SEL1L3: variants seen among roughly 807,000 people sequenced by gnomAD.
SEL1L3 encodes protein sel-1 homolog 3.
A neutral mutation model predicts 142.8 loss-of-function variants in SEL1L3; 76 were observed. The observed-to-expected ratio is 0.53, with a 90% CI of 0.44 to 0.64. The LOEUF is 0.64. SEL1L3 is among the 30% of genes least tolerant of loss of function. SEL1L3 has a pLI of 0.00. For missense variants in SEL1L3, 1,262 were observed against 1,381.7 expected (o/e 0.91, Z 1.37); for synonymous variants, 504 against 519.6 (o/e 0.97, Z 0.41).
chr4:25,825,139 T>C (rs1715008573), intron 6 of SEL1L3, among the ~76,000 whole-genome samples: 1 of 152,218 alleles, frequency 6.6e-6, no homozygotes, highest in Admixed American at 6.5e-5. Context: ...GATCCTTGCA[T>C]TAACTGAGTT....
downstream of SEL1L3, among the ~76,000 whole-genome samples, chr4:25,746,515 T>TATATATATATATATATATATATATTTAA (rs535369928): frequency 5.7e-4 from 40 of 70,788 alleles, 1 homozygote; most frequent in African/African-American, 1.6e-3. Context: ...TAAATATATA[T>TATATATATATATATATATATATATTTAA]ATATATATAT....
rs372755436 is a variant in SEL1L3 at position 25,784,266 on chromosome 4, G to A, written c.2242C>T (p.Arg748Trp). The stretch of plus-strand genomic sequence containing the variant: ...TTCTTCATCAGCTCTAAGGCAAGCC[G>A]TCTGTTCTTTTTTACTCCTTGACCC... ...FKGQGVKKNRRLALELMKKAA... is the reference protein window; with the variant it reads ...FKGQGVKKNRWLALELMKKAA... Residue 748 changes from arginine to tryptophan, a missense_variant, in exon 14 of 24, where the codon CGG (arginine) becomes TGG (tryptophan). Physicochemically the swap from Arg to Trp is moderately radical, Grantham distance 101. Around this residue, in one of 3 missense-constraint regions of SEL1L3, gnomAD observed 435 missense variants for 559.2 expected, o/e 0.78. Transcript: ENST00000399878. The A allele has an allele frequency of 8.7e-6, 14 of 1,613,484 alleles. No homozygotes were observed. The Middle Eastern group carries it at 4.9e-4, about 57-fold the overall frequency.
intron 9 of SEL1L3, among the ~76,000 whole-genome samples, chr4:25,805,885 A>C (rs559631092): frequency 6.6e-6 from 1 of 152,344 alleles, no homozygotes; most frequent in South Asian, 2.1e-4. Flanking sequence ...TTAAATGTAA[A>C]TGTACATGTA....
chr4:25,825,148 T>G (rs1185714402), intron 6 of SEL1L3, among the ~76,000 whole-genome samples: 1 of 152,042 alleles, frequency 6.6e-6, no homozygotes, highest in Non-Finnish European at 1.5e-5. Context: ...ATTAACTGAG[T>G]TTTTCAACAA....
the SEL1L3 span, among the ~76,000 whole-genome samples, chr4:25,724,388 T>C: frequency 6.6e-6 from 1 of 150,820 alleles, no homozygotes; most frequent in Non-Finnish European, 1.5e-5. Context: ...CACACTACAC[T>C]CCAGTCTGTG....
the SEL1L3 span, among the ~76,000 whole-genome samples, chr4:25,714,132 GT>G: frequency 1.3e-5 from 2 of 152,076 alleles, no homozygotes; most frequent in South Asian, 4.1e-4. Context: ...AATTAGGTGA[GT>G]TTACAGATGA....
chr4:25,740,723 G>A, the SEL1L3 span, among the ~76,000 whole-genome samples: 2 of 152,194 alleles, frequency 1.3e-5, no homozygotes. Context: ...TCTGCCACCT[G>A]TGCAGTGAGA....
At chr4:25,852,996 C>T (rs1025197139) in intron 1 of SEL1L3, among the ~76,000 whole-genome samples, 1 of 152,226 alleles carries the variant, frequency 6.6e-6, no homozygotes, top group African/African-American at 2.4e-5. Flanking sequence ...ATGCAACAGT[C>T]CACTTTTCTT....
At chr4:25,821,177 T>A (rs1200424047) in intron 7 of SEL1L3, among the ~76,000 whole-genome samples, 1 of 152,216 alleles carries the variant, frequency 6.6e-6, no homozygotes, top group Non-Finnish European at 1.5e-5. Flanking sequence ...TTTTTTTCCC[T>A]TTTCACAAAA....
rs544717348 is a variant in SEL1L3, at chr4:25,770,052, C to T, written c.2670-2222G>A. On this transcript the variant is annotated intron_variant, in intron 17 of 23. Coordinates refer to ENST00000399878, the MANE Select transcript of SEL1L3 (RefSeq NM_015187.5). Reference sequence around the variant, plus strand: ...CTGAAGCAGGAGAATCGCTCGAACACGAAAGGTGGAGGTTGCAGTGAGCCG... The same window carrying T: ...CTGAAGCAGGAGAATCGCTCGAACATGAAAGGTGGAGGTTGCAGTGAGCCG... 5.3e-5 allele frequency among the ~76,000 whole-genome samples: 8 copies of T among 152,148 alleles called. No homozygotes were observed. In the East Asian group the frequency reaches 5.8e-4, roughly 11 times the overall value.
At chr4:25,799,207 T>G (rs1248760420) in intron 11 of SEL1L3, among the ~76,000 whole-genome samples, 2 of 152,096 alleles carry the variant, frequency 1.3e-5, no homozygotes, top group African/African-American at 4.8e-5. Context: ...CCCAAGTAGC[T>G]GGGATGACAG....
intron 16 of SEL1L3, chr4:25,776,852 T>C (rs1263840846): frequency 1.3e-5 from 2 of 151,918 alleles, no homozygotes; most frequent in East Asian, 3.9e-4. Context: ...TTTAAATACT[T>C]GATTAATACA....
At position 25,804,555 on chromosome 4, in the gene SEL1L3, G is replaced by T. The variant is rs373022731; in HGVS notation, c.1762C>A (p.Arg588=). Residue 588 remains arginine (R), a synonymous_variant, in exon 10 of 24, where the codon CGG becomes AGG. Coordinates refer to ENST00000399878, the MANE Select transcript of SEL1L3 (RefSeq NM_015187.5). ...AAATACTCTACCTGCAGCTGATCCC[G>T]AGGAACATTTAATCCAGTCTCATAA... is the stretch of plus-strand genomic sequence containing the variant. ...VFYETGLNVP[R]DQLQGMLYSL... The T allele has an allele frequency of 2.5e-6, 4 of 1,610,564 alleles. No individual in the cohort carries two copies. The highest frequency in any genetic ancestry group is 3.4e-5 in the Admixed American group (2 of 59,620).
chr4:25,845,666 C>A (rs1179312576), intron 2 of SEL1L3, among the ~76,000 whole-genome samples: 1 of 151,534 alleles, frequency 6.6e-6, no homozygotes, highest in Non-Finnish European at 1.5e-5. Flanking sequence ...CAAAGATAGC[C>A]CAACAGAAAT....
intron 13 of SEL1L3, among the ~76,000 whole-genome samples, chr4:25,787,402 C>A (rs988603757): frequency 6.6e-5 from 10 of 152,110 alleles, no homozygotes; most frequent in African/African-American, 2.4e-4. Context: ...CTCACTGCAA[C>A]CTCTGCCTCC....
chr4:25,722,420 C>T, the SEL1L3 span, among the ~76,000 whole-genome samples: 1 of 152,116 alleles, frequency 6.6e-6, no homozygotes, highest in African/African-American at 2.4e-5. Flanking sequence ...GTGGCATACT[C>T]TGATCCCATT....
At chr4:25,730,202 G>A in the SEL1L3 span, among the ~76,000 whole-genome samples, 1 of 152,032 alleles carries the variant, frequency 6.6e-6, no homozygotes, top group South Asian at 2.1e-4. Context: ...CCAAAGTGCT[G>A]GGTGAGCCAC....
At chr4:25,774,769 C>T (rs1160987353) in intron 17 of SEL1L3, among the ~76,000 whole-genome samples, 6 of 152,268 alleles carry the variant, frequency 3.9e-5, no homozygotes, top group African/African-American at 9.6e-5. Flanking sequence ...TGCTTGAACC[C>T]GGCAGGCGGA....
intron 2 of SEL1L3, among the ~76,000 whole-genome samples, chr4:25,846,649 C>T (rs552939872): frequency 1.3e-3 from 196 of 152,228 alleles, no homozygotes; most frequent in African/African-American, 4.5e-3. Flanking sequence ...TGGCTCACAC[C>T]TGTAATCCCA....
Sources: allele counts gnomAD v4.1 joint callset (sites outside exome capture counted in the v4.1 genomes callset), GRCh38; gene constraint gnomAD v4.1.1; regional missense constraint gnomAD v4.1.1; transcripts MANE v1.5; gene names NCBI Gene and HGNC (gene_info 2026-07-23, HGNC 2026-07-21).